Variants in MFN1 observed in about 807,000 individuals in gnomAD.
MFN1 encodes the protein mitofusin 1.
A neutral mutation model predicts 92.4 loss-of-function variants in MFN1; 65 were observed. The ratio of observed to expected loss-of-function variants is 0.70; its 90% confidence interval spans 0.58 to 0.86. MFN1 has a LOEUF of 0.86. Ranked by LOEUF, MFN1 falls within the 40% of genes least tolerant of loss-of-function variation. MFN1 has a pLI of 0.00. For synonymous variants in MFN1, 297 were observed against 300.9 expected, an observed-to-expected ratio of 0.99 and a Z score of 0.13; for missense variants, 781 against 868.0, an observed-to-expected ratio of 0.90 and a Z score of 1.26.
intron 16 of MFN1, among the ~76,000 whole-genome samples, chr3:179,387,224 CA>C (rs1159343150): frequency 6.6e-6 from 1 of 152,062 alleles, no homozygotes; most frequent in Non-Finnish European, 1.5e-5. Context: ...ATGCCCAACT[CA>C]AAAGATCTTC....
Position 179,378,726 on chromosome 3 carries a change from C to A in MFN1, c.1574C>A (p.Ser525Tyr), listed in dbSNP as rs1021658895. Residue 525 changes from serine to tyrosine, a missense_variant, in exon 14 of 18, where the codon TCC becomes TAC. Transcript: ENST00000471841. ...DFQEDIVFRF[S>Y]LGWSSLVHRF... is the part of the protein sequence containing the mutation. Reference sequence around the variant, plus strand: ...CAAGAGGATATTGTATTTCGTTTTTCCCTGGGCTGGTCTTCCCTTGTACAT... The same window carrying A: ...CAAGAGGATATTGTATTTCGTTTTTACCTGGGCTGGTCTTCCCTTGTACAT... 9.3e-6 allele frequency: 15 copies of A among 1,613,852 alleles called. No homozygotes were observed. Among genetic ancestry groups the A allele is most frequent in the African/African-American group, 1.3e-5 (1 of 74,880 alleles).
intron 1 of MFN1, chr3:179,348,096 T>G (rs1576998266): frequency 6.6e-6 from 1 of 151,912 alleles, no homozygotes; most frequent in Non-Finnish European, 1.5e-5. Flanking sequence ...GCGCCCGGTG[T>G]GGGAAGGTGG....
At chr3:179,386,206 G>C (rs1027771883) in intron 15 of MFN1, among the ~76,000 whole-genome samples, 2 of 152,136 alleles carry the variant, frequency 1.3e-5, no homozygotes, top group Non-Finnish European at 2.9e-5. Context: ...GAGATACATT[G>C]AATCAGGATA....
rs779844129 is a variant in MFN1, at chr3:179,392,404, C to G, written c.*345C>G. The G allele has an allele frequency of 1.2e-4, 21 of 172,742 alleles. No individual in the cohort carries two copies. Among genetic ancestry groups the G allele is most frequent in the Non-Finnish European group, 2.4e-5 (2 of 82,228 alleles). 10.7% of individuals were successfully genotyped at this position (172,742 alleles called of 1,614,324 possible). A position where few individuals can be genotyped will look rare whatever the true frequency, so the allele number is the denominator to read the frequency against. On this transcript the variant is annotated 3_prime_UTR_variant, in exon 18 of 18. Transcript: ENST00000471841. ...TGGCATCCAGGAGTTAGAGATTGAG[C>G]CTTTCATCTTCTTTCTCAAAACTAG...
chr3:179,358,459 T>C (rs894267253), intron 3 of MFN1, among the ~76,000 whole-genome samples: 3 of 152,170 alleles, frequency 2.0e-5, no homozygotes, highest in African/African-American at 7.2e-5. Context: ...GGCCACCCAC[T>C]GTCACTTCTG....
rs1713658132 is a variant in MFN1, at chr3:179,385,684, C to G, written c.1778C>G (p.Ser593Cys). The change falls in exon 15 of 18, where the codon TCT becomes TGT. Residue 593 changes from serine (S) to cysteine (C), a missense_variant. Ser to Cys is a moderately radical substitution (Grantham distance 112). Coordinates refer to ENST00000471841, the MANE Select transcript of MFN1 (RefSeq NM_033540.3). ...TLVTGLASVT[S>C]RTSMGIIIVG... is the part of the protein sequence containing the mutation. The stretch of plus-strand genomic sequence containing the variant: ...GTAACAGGATTGGCGTCCGTTACAT[C>G]TAGAACTTCTATGGGCATCATTATT... 1 of 1,613,532 alleles carries G rather than the reference C, an allele frequency of 6.2e-7. No individual in the cohort carries two copies. The highest frequency in any genetic ancestry group is 8.5e-7 in the Non-Finnish European group (1 of 1,179,884).
At chr3:179,379,024 C>G (rs1455974354) in intron 14 of MFN1, among the ~76,000 whole-genome samples, 1 of 152,136 alleles carries the variant, frequency 6.6e-6, no homozygotes, top group Non-Finnish European at 1.5e-5. Flanking sequence ...AGTACGGTGA[C>G]ACCACAGGTG....
chr3:179,363,394 A>G (rs114892396), intron 5 of MFN1, among the ~76,000 whole-genome samples: 3,973 of 152,270 alleles, frequency 0.026, 188 homozygotes, highest in African/African-American at 0.091. Context: ...CTGAATAACA[A>G]TTTAATTGTA....
intron 9 of MFN1, among the ~76,000 whole-genome samples, chr3:179,374,651 C>T (rs1713167559): frequency 6.6e-6 from 1 of 152,006 alleles, no homozygotes; most frequent in South Asian, 2.1e-4. Context: ...TTCTAAACAG[C>T]TGCAGATATT....
At chr3:179,354,159 G>A (rs181099108) in intron 3 of MFN1, among the ~76,000 whole-genome samples, 51 of 152,288 alleles carry the variant, frequency 3.3e-4, no homozygotes, top group Admixed American at 3.1e-3. Context: ...TCCTGGGAAG[G>A]TGATGACTCA....
At position 179,351,881 on chromosome 3, in the gene MFN1, T is replaced by A. The variant is rs753057993; in HGVS notation, c.113-19T>A. ...ATATTCATTTATATCACTTTTCTAATGCCATTTCAATTTTGCAGCAACATA... is the reference window on the plus strand; with the variant it reads ...ATATTCATTTATATCACTTTTCTAAAGCCATTTCAATTTTGCAGCAACATA... On this transcript the variant is annotated intron_variant, in intron 2 of 17. Coordinates refer to ENST00000471841, the MANE Select transcript of MFN1 (RefSeq NM_033540.3). 1.3e-6 allele frequency: 2 copies of A among 1,586,792 alleles called. No homozygotes were observed. Among genetic ancestry groups the A allele is most frequent in the Non-Finnish European group, 1.7e-6 (2 of 1,160,852 alleles).
intron 2 of MFN1, 88 bp downstream of exon 2, chr3:179,349,051 A>T (rs991515045): frequency 1.9e-6 from 2 of 1,046,390 alleles, no homozygotes; most frequent in African/African-American, 1.6e-5. Context: ...GAACACATGT[A>T]TAGGGCATTA....
intron 9 of MFN1, among the ~76,000 whole-genome samples, chr3:179,373,005 G>A (rs1427981074): frequency 6.6e-6 from 1 of 152,118 alleles, no homozygotes; most frequent in African/African-American, 2.4e-5. Context: ...ATCTTTAGGT[G>A]TGTACAGAAC....
In MFN1 at chr3:179,362,453, C is replaced by T. The variant is rs1712620068; in HGVS notation, c.507C>T (p.Leu169=). 1.9e-6 allele frequency: 3 copies of T among 1,613,598 alleles called. No individual in the cohort carries two copies. Among genetic ancestry groups the T allele is most frequent in the Non-Finnish European group, 2.5e-6 (3 of 1,179,910 alleles). Residue 169 remains leucine (L), a synonymous_variant, in exon 5 of 18, where the codon CTC becomes CTT. Transcript: ENST00000471841. The part of the protein sequence containing the change: ...RVFWPKAKCA[L]LRDDLVLVDS... ...TTTGGCCAAAAGCAAAATGTGCCCT[C>T]TTGAGAGATGACCTGGTGTTAGTAG...
intron 3 of MFN1, among the ~76,000 whole-genome samples, chr3:179,355,174 A>T (rs138102488): frequency 6.6e-6 from 1 of 152,176 alleles, no homozygotes; most frequent in Non-Finnish European, 1.5e-5. Context: ...TATTATATAC[A>T]TATAATATAT....
intron 4 of MFN1, among the ~76,000 whole-genome samples, chr3:179,359,550 A>G (rs1712486805): frequency 6.9e-6 from 1 of 144,988 alleles, no homozygotes; most frequent in African/African-American, 2.6e-5. Flanking sequence ...CCTCCTGAGT[A>G]GCTGGGATTA....
intron 14 of MFN1, among the ~76,000 whole-genome samples, chr3:179,381,021 A>G (rs1713445268): frequency 6.6e-6 from 1 of 152,210 alleles, no homozygotes; most frequent in Non-Finnish European, 1.5e-5. Flanking sequence ...GACATTGATA[A>G]TGAGGTTTCA....
At chr3:179,369,489 A>G (rs1712936708) in intron 9 of MFN1, among the ~76,000 whole-genome samples, 1 of 152,220 alleles carries the variant, frequency 6.6e-6, no homozygotes, top group Non-Finnish European at 1.5e-5. Flanking sequence ...TATATAATGT[A>G]TAATTGTGTA....
chr3:179,352,011 A>G lies in MFN1; in HGVS notation c.224A>G (p.His75Arg), dbSNP rs1490498157. The change falls in exon 3 of 18, where the codon CAC (histidine) becomes CGC (arginine). Residue 75 changes from histidine to arginine, a missense_variant. Transcript: ENST00000471841. ...ATTGGTGAGGTGCTATCTCGGAGACACATGAAGGTGGCATTTTTTGGCAGG... is the reference window on the plus strand; with the variant it reads ...ATTGGTGAGGTGCTATCTCGGAGACGCATGAAGGTGGCATTTTTTGGCAGG... ...SIIGEVLSRR[H>R]MKVAFFGRTS... 1 of 1,594,320 alleles carries G rather than the reference A, an allele frequency of 6.3e-7. No individual in the cohort carries two copies. Among genetic ancestry groups the G allele is most frequent in the Non-Finnish European group, 8.6e-7 (1 of 1,166,664 alleles).
Sources: allele counts gnomAD v4.1 joint callset (sites outside exome capture counted in the v4.1 genomes callset), GRCh38; gene constraint gnomAD v4.1.1; transcripts MANE v1.5; gene names NCBI Gene and HGNC (gene_info 2026-07-23, HGNC 2026-07-21).